RNF4: variants seen among roughly 807,000 people sequenced by gnomAD.
The protein encoded by RNF4 is ring finger protein 4, also known as E3 ubiquitin-protein ligase RNF4.
In RNF4, 7 loss-of-function variants were observed where a neutral mutation model predicts 24.3. The ratio of observed to expected loss-of-function variants is 0.29; its 90% CI spans 0.16 to 0.54. RNF4 has a LOEUF of 0.54. Ranked by LOEUF, RNF4 falls within the 20% of genes least tolerant of loss-of-function variation. The pLI is 0.95. For missense variants in RNF4, 209 were observed against 248.5 expected (o/e 0.84, Z 1.07); for synonymous variants, 83 against 84.3 (o/e 0.98, Z 0.09).
chr4:2,515,397 A>T lies in RNF4; in HGVS notation c.*1578A>T, dbSNP rs901043544. 1.3e-5 allele frequency: 2 copies of T among 152,604 alleles called. No homozygotes were observed. Among genetic ancestry groups the T allele is most frequent in the African/African-American group, 4.8e-5 (2 of 41,460 alleles). The allele number at this position is 152,604 out of a possible 1,614,324, so 9.5% of individuals were successfully genotyped here. ...AATAATAATTTTCTACTTGGAGTTGAAGAGGGCAGAATCCGCAGCTCTCAT... is the reference window on the plus strand; with the variant it reads ...AATAATAATTTTCTACTTGGAGTTGTAGAGGGCAGAATCCGCAGCTCTCAT... On this transcript the variant is annotated 3_prime_UTR_variant, in exon 8 of 8. Transcript: ENST00000314289.
In RNF4 at chr4:2,514,675, C is replaced by G. The variant is rs531827672; in HGVS notation, c.*856C>G. On this transcript the variant is annotated 3_prime_UTR_variant, in exon 8 of 8. Transcript: ENST00000314289. Reference sequence around the variant, plus strand: ...CTCTCTTTTCTGATAAAATCCATCCCGTGTTTGCCACACGCCCTCCAGTCC... The same window carrying G: ...CTCTCTTTTCTGATAAAATCCATCCGGTGTTTGCCACACGCCCTCCAGTCC... 3.9e-5 allele frequency: 6 copies of G among 152,840 alleles called. No individual in the cohort carries two copies. The highest frequency in any genetic ancestry group is 6.5e-5 in the Admixed American group (1 of 15,288). The allele number at this position is 152,840 out of a possible 1,614,324, so 9.5% of individuals were successfully genotyped here.
rs773775159 is a variant in RNF4, at chr4:2,513,849, T to C, written c.*30T>C. On this transcript the variant is annotated 3_prime_UTR_variant, in exon 8 of 8. Transcript: ENST00000314289. ...TTCAGAGCCCCCCAGGAGAGACGGA[T>C]GGACAGACAGACAGCCAGGTTCTCC... is the stretch of plus-strand genomic sequence containing the variant. 2 of 1,612,930 alleles carry C rather than the reference T, an allele frequency of 1.2e-6. No individual in the cohort carries two copies. Among genetic ancestry groups the C allele is most frequent in the African/African-American group, 2.7e-5 (2 of 74,912 alleles).
intron 2 of RNF4, among the ~76,000 whole-genome samples, chr4:2,491,485 C>T (rs1735577000): frequency 6.6e-6 from 1 of 152,132 alleles, no homozygotes; most frequent in Non-Finnish European, 1.5e-5. Context: ...GTCTGTTGCC[C>T]AGGTTGGAGT....
chr4:2,508,911 CTT>C (rs66571775), intron 4 of RNF4, among the ~76,000 whole-genome samples: 26 of 62,642 alleles, frequency 4.2e-4, no homozygotes, highest in African/African-American at 1.7e-3. Context: ...TGCCCCAGGC[CTT>C]TTTTTTTTTT....
intron 1 of RNF4, chr4:2,480,825 T>C (rs1209528107): frequency 9.2e-5 from 14 of 152,110 alleles, no homozygotes; most frequent in Admixed American, 9.2e-4. Context: ...CTTCGGACCT[T>C]CTTTGAGGTC....
rs1446618967 is a variant in RNF4 at position 2,515,331 on chromosome 4, C to CTT, written c.*1516_*1517dup. On this transcript the variant is annotated 3_prime_UTR_variant, in exon 8 of 8. Coordinates refer to ENST00000314289, the MANE Select transcript of RNF4 (RefSeq NM_002938.5). The stretch of plus-strand genomic sequence containing the variant: ...AAAATTGTTTTATTCTTCATTCTGA[C>CTT]TTTTTAACTGTTTGGCTCACTTCCA... The CTT allele has an allele frequency of 6.6e-6, 1 of 152,654 alleles. No individual in the cohort carries two copies. The highest frequency in any genetic ancestry group is 1.5e-5 in the Non-Finnish European group (1 of 68,038). The allele number at this position is 152,654 out of a possible 1,614,324, so 9.5% of individuals were successfully genotyped here.
At chr4:2,475,327 G>C (rs1395164377) in intron 1 of RNF4, among the ~76,000 whole-genome samples, 8 of 145,934 alleles carry the variant, frequency 5.5e-5, no homozygotes, top group Non-Finnish European at 1.2e-4. Flanking sequence ...CACCGCACCT[G>C]GCTTTTTGTT....
chr4:2,489,236 G>T (rs546677613), intron 1 of RNF4, among the ~76,000 whole-genome samples: 2 of 152,180 alleles, frequency 1.3e-5, no homozygotes, highest in African/African-American at 4.8e-5. Context: ...AAGTTGCTGC[G>T]GCAAATGTTT....
intron 1 of RNF4, among the ~76,000 whole-genome samples, chr4:2,478,778 G>C (rs1350515465): frequency 6.6e-6 from 1 of 152,262 alleles, no homozygotes; most frequent in Non-Finnish European, 1.5e-5. Context: ...ACCTCCGCTA[G>C]GGCAGTGTGG....
chr4:2,509,278 C>T (rs1051143806), intron 4 of RNF4, among the ~76,000 whole-genome samples: 14 of 151,434 alleles, frequency 9.2e-5, no homozygotes, highest in African/African-American at 3.4e-4. Context: ...AGTGCAATGG[C>T]GTGACCTCGG....
intron 1 of RNF4, among the ~76,000 whole-genome samples, chr4:2,478,656 C>T (rs983845239): frequency 1.3e-5 from 2 of 152,354 alleles, no homozygotes; most frequent in East Asian, 1.9e-4. Context: ...CCTGCGAGTG[C>T]GCAGAAGTCA....
chr4:2,490,245 A>G (rs983045090), intron 1 of RNF4, 92 bp from the exon 2 acceptor site: 3 of 472,442 alleles, frequency 6.3e-6, no homozygotes, highest in African/African-American at 3.9e-5. Context: ...CAAATAACCT[A>G]GGGACAGGAA....
At chr4:2,483,928 G>A (rs1283385610) in intron 1 of RNF4, among the ~76,000 whole-genome samples, 1 of 151,652 alleles carries the variant, frequency 6.6e-6, no homozygotes, top group East Asian at 1.9e-4. Context: ...TTGGGTTCGA[G>A]CGATTCTCCT....
In RNF4 at chr4:2,513,950, T is replaced by A; in HGVS notation, c.*131T>A. ...AACATCTGATATGTAAACTGCTCTTTTGTTTCCAACCCCTTCCTTTTGTTA... is the reference window on the plus strand; with the variant it reads ...AACATCTGATATGTAAACTGCTCTTATGTTTCCAACCCCTTCCTTTTGTTA... On this transcript the variant is annotated 3_prime_UTR_variant, in exon 8 of 8. Transcript: ENST00000314289. 8.1e-7 allele frequency: 1 copy of A among 1,232,926 alleles called. No homozygotes were observed. Among genetic ancestry groups the A allele is most frequent in the East Asian group, 2.3e-5 (1 of 42,890 alleles). 76.4% of individuals were successfully genotyped at this position (1,232,926 alleles called of 1,614,324 possible).
At position 2,513,694 on chromosome 4, in the gene RNF4, G is replaced by A. The variant is rs767261720; in HGVS notation, c.448G>A (p.Val150Ile). The stretch of plus-strand genomic sequence containing the variant: ...GATCGTGCAGAATGGACGTCTCATC[G>A]TTTCCACAGAATGCGGCCATGTCTT... ...SEIVQNGRLI[V>I]STECGHVFCS... The change falls in exon 8 of 8, where the codon GTT becomes ATT. Residue 150 changes from valine to isoleucine, a missense_variant. By Grantham distance (29) the Val-to-Ile change is conservative (BLOSUM62 3). Coordinates refer to ENST00000314289, the MANE Select transcript of RNF4 (RefSeq NM_002938.5). 40 of 1,613,808 alleles carry A rather than the reference G, an allele frequency of 2.5e-5. No individual in the cohort carries two copies. The highest frequency in any genetic ancestry group is 5.0e-5 in the Admixed American group (3 of 59,988).
In RNF4 at chr4:2,495,599, A is replaced by AT. The variant is rs144626285; in HGVS notation, c.10-1407dup. On this transcript the variant is annotated intron_variant, in intron 2 of 7. Coordinates refer to ENST00000314289, the MANE Select transcript of RNF4 (RefSeq NM_002938.5). ...GAAGAGCACGGAAACACCAGTGGGA[A>AT]TACAAGGTGACAGGCTCTGTTGGGA... 8.9e-3 allele frequency among the ~76,000 whole-genome samples: 1,294 copies of AT among 145,658 alleles called. 19 individuals carry two copies. The highest frequency in any genetic ancestry group is 0.03 in the African/African-American group (1,186 of 39,656).
intron 2 of RNF4, among the ~76,000 whole-genome samples, chr4:2,490,959 G>T (rs970989488): frequency 6.6e-6 from 1 of 152,146 alleles, no homozygotes; most frequent in Non-Finnish European, 1.5e-5. Context: ...GTGGTGGGGC[G>T]CACCTGTAGT....
intron 1 of RNF4, among the ~76,000 whole-genome samples, chr4:2,475,755 T>TA (rs1735051703): frequency 6.6e-6 from 1 of 152,194 alleles, no homozygotes; most frequent in Non-Finnish European, 1.5e-5. Context: ...CCCTACTTCT[T>TA]ACTCTCTTAC....
At chr4:2,508,648 T>C (rs988546090) in intron 4 of RNF4, among the ~76,000 whole-genome samples, 1 of 152,238 alleles carries the variant, frequency 6.6e-6, no homozygotes, top group African/African-American at 2.4e-5. Flanking sequence ...TTCACTCTTG[T>C]TGCCCAGGCT....
Sources: allele counts gnomAD v4.1 joint callset (sites outside exome capture counted in the v4.1 genomes callset), GRCh38; gene constraint gnomAD v4.1.1; transcripts MANE v1.5; gene names NCBI Gene and HGNC (gene_info 2026-07-23, HGNC 2026-07-21).